EXD1: variants seen among roughly 807,000 people sequenced by gnomAD.
EXD1 encodes exonuclease 3'-5' domain containing 1, also known as piRNA biogenesis protein EXD1.
Under a neutral mutation model 49.1 loss-of-function variants are expected in EXD1, and 63 were observed. That is an observed-to-expected ratio of 1.28 (90% CI 1.05 to 1.58). The LOEUF (loss-of-function observed/expected upper bound fraction) is 1.58, where lower values mean the gene tolerates loss of function less well. Among genes scored for constraint, EXD1 ranks in the 40% most tolerant of loss-of-function variants. EXD1 has a pLI of 0.00. For synonymous variants in EXD1, 234 were observed against 239.2 expected (o/e 0.98, Z 0.20); for missense variants, 748 against 666.0 (o/e 1.12, Z -1.36).
At position 41,230,625 on chromosome 15, in the gene EXD1, A is replaced by G. The variant is rs2047227433; in HGVS notation, c.-200T>C. On this transcript the variant is annotated 5_prime_UTR_variant, in exon 1 of 12. Transcript: ENST00000458580. ...AGAAGAGGGGCTGCAATGAAGGAAGAAGTCTCGGGACGCTCCACGCCACCC... is the reference window on the plus strand; with the variant it reads ...AGAAGAGGGGCTGCAATGAAGGAAGGAGTCTCGGGACGCTCCACGCCACCC... 1 of 1,477,456 alleles carries G rather than the reference A, an allele frequency of 6.8e-7. No individual in the cohort carries two copies. Among genetic ancestry groups the G allele is most frequent in the African/African-American group, 1.4e-5 (1 of 71,156 alleles). 91.5% of individuals were successfully genotyped at this position (1,477,456 alleles called of 1,614,324 possible). A position where few individuals can be genotyped will look rare whatever the true frequency, so the allele number is the denominator to read the frequency against.
chr15:41,221,309 T>C lies in EXD1; in HGVS notation c.134-1411A>G, dbSNP rs150113748. 1.9e-3 allele frequency among the ~76,000 whole-genome samples: 285 copies of C among 152,336 alleles called. 2 individuals are homozygous for C. The highest frequency in any genetic ancestry group is 6.3e-3 in the African/African-American group (264 of 41,590). On this transcript the variant is annotated intron_variant, in intron 2 of 11. Coordinates refer to ENST00000458580, the MANE Select transcript of EXD1 (RefSeq NM_001286441.2). ...TTAATTGAGATAGGGTCTTACTCTG[T>C]TGCACAGGCTAGAGTGCAGTGGCAC...
Position 41,183,932 on chromosome 15 carries a change from T to G in EXD1, c.1718A>C (p.Ter573SerextTer7). The change falls in exon 12 of 12, where the codon TAG becomes TCG. Residue 573 changes from the stop codon to serine, a stop_lost. Transcript: ENST00000458580. ...SWISPFLNLP[*>S] ...GCCTTAAGAACAAACTGCCCATCTC[T>G]AGGGCAGATTTAGAAAAGGACTTAT... 2 of 1,586,568 alleles carry G rather than the reference T, an allele frequency of 1.3e-6. No homozygotes were observed. The highest frequency in any genetic ancestry group is 1.7e-6 in the Non-Finnish European group (2 of 1,166,830).
chr15:41,217,529 CT>C (rs3033817), intron 3 of EXD1, among the ~76,000 whole-genome samples: 216 of 127,120 alleles, frequency 1.7e-3, no homozygotes, highest in Admixed American at 2.2e-3. Flanking sequence ...GAGGGTTTTC[CT>C]TTTTTTTTTT....
chr15:41,228,221 C>T (rs909024), intron 1 of EXD1, among the ~76,000 whole-genome samples: 44,264 of 151,908 alleles, frequency 0.29, 9,040 homozygotes, highest in African/African-American at 0.58. Flanking sequence ...TATACTTTTG[C>T]CACACTAGGA....
chr15:41,187,892 G>A (rs2046439911), intron 11 of EXD1, among the ~76,000 whole-genome samples: 1 of 151,644 alleles, frequency 6.6e-6, no homozygotes, highest in Non-Finnish European at 1.5e-5. Context: ...GTGCATGCCT[G>A]TAATCCCAGC....
At chr15:41,226,400 T>A in intron 2 of EXD1, 43 bp downstream of exon 2, 1 of 1,523,412 alleles carries the variant, frequency 6.6e-7, no homozygotes, top group Non-Finnish European at 8.8e-7. Flanking sequence ...AGTCAATCAC[T>A]AATCTCTTAA....
chr15:41,203,243 C>A (rs1269691808), intron 7 of EXD1, among the ~76,000 whole-genome samples: 1 of 151,986 alleles, frequency 6.6e-6, no homozygotes, highest in African/African-American at 2.4e-5. Context: ...GGAGACGTAA[C>A]CCCCCAAGTA....
intron 9 of EXD1, among the ~76,000 whole-genome samples, chr15:41,195,375 T>G (rs778627086): frequency 6.6e-5 from 10 of 152,160 alleles, no homozygotes; most frequent in Non-Finnish European, 1.5e-4. Context: ...ACCCCTAAAC[T>G]AGATGTCAGC....
intron 2 of EXD1, among the ~76,000 whole-genome samples, chr15:41,221,793 T>C (rs542819475): frequency 6.6e-6 from 1 of 152,056 alleles, no homozygotes; most frequent in South Asian, 2.1e-4. Context: ...GCTCCCCTCA[T>C]ATTTTCAACT....
intron 9 of EXD1, among the ~76,000 whole-genome samples, chr15:41,193,565 C>T (rs1012415580): frequency 6.6e-6 from 1 of 151,942 alleles, no homozygotes; most frequent in African/African-American, 2.4e-5. Context: ...ATAGAGAGAC[C>T]CCATATCTTA....
intron 6 of EXD1, among the ~76,000 whole-genome samples, chr15:41,213,593 G>A (rs1487454083): frequency 6.6e-6 from 1 of 151,834 alleles, no homozygotes; most frequent in Admixed American, 6.6e-5. Context: ...TCGGCTCACT[G>A]TACCCTCCAC....
intron 11 of EXD1, among the ~76,000 whole-genome samples, chr15:41,186,470 C>CAAAAAAAAAAAAAAAA (rs58793050): frequency 1.0e-4 from 7 of 68,262 alleles, no homozygotes; most frequent in East Asian, 5.7e-4. Flanking sequence ...GACTCTGTCT[C>CAAAAAAAAAAAAAAAA]AAAAAAAAAA....
At chr15:41,203,627 T>C (rs1196184522) in intron 7 of EXD1, among the ~76,000 whole-genome samples, 9 of 151,774 alleles carry the variant, frequency 5.9e-5, no homozygotes, top group Non-Finnish European at 1.3e-4. Flanking sequence ...CCATAAAACC[T>C]AAAAATAGGC....
At chr15:41,206,374 GC>G (rs2046821071) in intron 7 of EXD1, among the ~76,000 whole-genome samples, 1 of 150,838 alleles carries the variant, frequency 6.6e-6, no homozygotes, top group Non-Finnish European at 1.5e-5. Context: ...GGAGGCTGAG[GC>G]AGGAGAATAC....
chr15:41,189,996 C>A lies in EXD1; in HGVS notation c.997G>T (p.Val333Leu). Residue 333 changes from valine to leucine, a missense_variant, in exon 11 of 12, where the codon GTG (valine) becomes TTG (leucine). By Grantham distance (32) the Val-to-Leu change is conservative (BLOSUM62 1). Transcript: ENST00000458580. Reference sequence around the variant, plus strand: ...CGATACGTGTTTAGGTAACCATCCACCAGGGTGGTTAGGTCAGACATCATC... The same window carrying A: ...CGATACGTGTTTAGGTAACCATCCAACAGGGTGGTTAGGTCAGACATCATC... ...DEMMSDLTTLVDGYLNTYREG... is the reference protein window; with the variant it reads ...DEMMSDLTTLLDGYLNTYREG... 1.9e-6 allele frequency: 3 copies of A among 1,613,984 alleles called. No individual in the cohort carries two copies. The highest frequency in any genetic ancestry group is 1.7e-6 in the Non-Finnish European group (2 of 1,180,012).
intron 10 of EXD1, among the ~76,000 whole-genome samples, chr15:41,190,724 C>T (rs2046500349): frequency 6.6e-6 from 1 of 152,072 alleles, no homozygotes; most frequent in South Asian, 2.1e-4. Flanking sequence ...AACAGAATTG[C>T]AGCCAATACA....
intron 7 of EXD1, among the ~76,000 whole-genome samples, chr15:41,207,008 C>T (rs1287130788): frequency 5.2e-5 from 7 of 134,006 alleles, no homozygotes; most frequent in Admixed American, 8.2e-5. Context: ...TTTGGGAGGC[C>T]GAGGCGGGCA....
chr15:41,186,071 A>G (rs923537275), intron 11 of EXD1, among the ~76,000 whole-genome samples: 1 of 152,132 alleles, frequency 6.6e-6, no homozygotes, highest in Non-Finnish European at 1.5e-5. Flanking sequence ...GATAGTCACA[A>G]TTTTTGTACT....
chr15:41,225,590 A>C (rs1342953465), intron 2 of EXD1, among the ~76,000 whole-genome samples: 1 of 145,702 alleles, frequency 6.9e-6, no homozygotes, highest in East Asian at 1.9e-4. Context: ...ATTCTCAGAA[A>C]AAAAAAAAAA....
Sources: gnomAD v4.1 joint callset for allele counts (sites outside exome capture counted in the v4.1 genomes callset) on GRCh38, gnomAD v4.1.1 for gene constraint, MANE v1.5 for transcripts, NCBI Gene and HGNC (gene_info 2026-07-23, HGNC 2026-07-21) for gene names.